PTPN1: variants seen among roughly 807,000 people sequenced by gnomAD.
PTPN1 encodes the protein tyrosine-protein phosphatase non-receptor type 1.
Under a neutral mutation model 59.9 loss-of-function variants are expected in PTPN1, and 12 were observed. The ratio of observed to expected loss-of-function variants is 0.20; its 90% CI spans 0.13 to 0.32. The LOEUF (loss-of-function observed/expected upper bound fraction) is 0.32. Among genes scored for constraint, PTPN1 ranks in the 10% least tolerant of loss-of-function variants. PTPN1 has a pLI of 1.00. For missense variants in PTPN1, 356 were observed against 549.2 expected (o/e 0.65, Z 3.52); for synonymous variants, 178 against 203.6 (o/e 0.87, Z 1.07).
intron 1 of PTPN1, among the ~76,000 whole-genome samples, chr20:50,539,823 G>T (rs2082641803): frequency 6.6e-6 from 1 of 151,216 alleles, no homozygotes; most frequent in Admixed American, 6.6e-5. Flanking sequence ...TCTTGGTGTT[G>T]GCTGTTTTGG....
At chr20:50,538,370 A>G (rs1290435644) in intron 1 of PTPN1, among the ~76,000 whole-genome samples, 1 of 152,222 alleles carries the variant, frequency 6.6e-6, no homozygotes, top group African/African-American at 2.4e-5. Flanking sequence ...CTGGAAAAAA[A>G]ATGTAGAAAC....
chr20:50,578,664 C>T lies in PTPN1; in HGVS notation c.702+35C>T, dbSNP rs780246512. 3.9e-6 allele frequency: 6 copies of T among 1,551,088 alleles called. No individual in the cohort carries two copies. In the South Asian group the frequency reaches 5.7e-5, roughly 15 times the overall value. On this transcript the variant is annotated intron_variant, in intron 6 of 9. Transcript: ENST00000371621. ...CCCTCGCGGGTGCCCTGGGGAGCTCCTCTACCTGCTCTGCTGTGATGTTTT... is the reference window on the plus strand; with the variant it reads ...CCCTCGCGGGTGCCCTGGGGAGCTCTTCTACCTGCTCTGCTGTGATGTTTT...
Position 50,582,741 on chromosome 20 carries a change from A to G in PTPN1, c.*26A>G. 1 of 1,613,052 alleles carries G rather than the reference A, an allele frequency of 6.2e-7. No individual in the cohort carries two copies. Reference sequence around the variant, plus strand: ...CCTGACCCTCCTCCACTCCACCTCCACCCACTGTCCGCCTCTGCCCGCAGA... The same window carrying G: ...CCTGACCCTCCTCCACTCCACCTCCGCCCACTGTCCGCCTCTGCCCGCAGA... On this transcript the variant is annotated 3_prime_UTR_variant, in exon 10 of 10. Transcript: ENST00000371621. The surrounding 1 kb of genome is among the most constrained non-coding windows in gnomAD (Gnocchi z 4.2).
chr20:50,537,769 T>C (rs1382773951), intron 1 of PTPN1, among the ~76,000 whole-genome samples: 1 of 152,192 alleles, frequency 6.6e-6, no homozygotes, highest in African/African-American at 2.4e-5. Context: ...TTAGCCAGTT[T>C]ATAGTTACCC....
intron 1 of PTPN1, among the ~76,000 whole-genome samples, chr20:50,560,613 C>CTT (rs762154823): frequency 7.2e-6 from 1 of 138,532 alleles, no homozygotes; most frequent in African/African-American, 2.7e-5. Context: ...ATGGGGCTGT[C>CTT]TTTTTTTTTT....
intron 5 of PTPN1, among the ~76,000 whole-genome samples, chr20:50,576,868 C>G (rs946819981): frequency 6.6e-6 from 1 of 152,176 alleles, no homozygotes; most frequent in Non-Finnish European, 1.5e-5. Flanking sequence ...GAGCAAGACT[C>G]TGTCTCAAAA....
At chr20:50,573,000 C>T (rs1171661049) in intron 4 of PTPN1, 1 of 152,224 alleles carries the variant, frequency 6.6e-6, no homozygotes, top group Non-Finnish European at 1.5e-5. Flanking sequence ...CTTGAGAAAG[C>T]TCTGTTGGCT....
intron 3 of PTPN1, among the ~76,000 whole-genome samples, chr20:50,566,124 A>G (rs185175369): frequency 5.1e-4 from 77 of 152,278 alleles, no homozygotes; most frequent in African/African-American, 1.8e-3. Context: ...GGCCTTTACC[A>G]GGCCCTGAGC....
intron 1 of PTPN1, among the ~76,000 whole-genome samples, chr20:50,549,312 C>A (rs2082691091): frequency 6.6e-6 from 1 of 152,198 alleles, no homozygotes; most frequent in African/African-American, 2.4e-5. Context: ...CCACCCTCTC[C>A]ACCAGAAGGT....
intron 1 of PTPN1, among the ~76,000 whole-genome samples, chr20:50,546,651 G>C (rs2082677301): frequency 2.0e-5 from 3 of 152,162 alleles, no homozygotes; most frequent in Admixed American, 6.5e-5. Context: ...GTTTCATTTT[G>C]ATGTTCTATT....
intron 1 of PTPN1, among the ~76,000 whole-genome samples, chr20:50,538,124 T>C (rs1218527056): frequency 6.6e-6 from 1 of 152,130 alleles, no homozygotes; most frequent in Non-Finnish European, 1.5e-5. Context: ...GATTTATACT[T>C]CCTGGTTTTC....
intron 5 of PTPN1, 82 bp downstream of exon 5, chr20:50,574,736 A>G (rs923223369): frequency 2.0e-6 from 3 of 1,484,136 alleles, no homozygotes; most frequent in Non-Finnish European, 9.1e-7. Flanking sequence ...GATATTACCT[A>G]ATGTCAGTGT....
In PTPN1 at chr20:50,526,175, A is replaced by G. The variant is rs532118177; in HGVS notation, c.63+15585A>G. ...ATCTTAGGACTTAAGCTTTCTAGTC[A>G]ATAAATTGCCATAGTGGGGAATTGC... On this transcript the variant is annotated intron_variant, in intron 1 of 9. Coordinates refer to ENST00000371621, the MANE Select transcript of PTPN1 (RefSeq NM_002827.4). Among the ~76,000 whole-genome samples the G allele has an allele frequency of 3.3e-5, 5 of 152,280 alleles. No individual in the cohort carries two copies. In the East Asian group the frequency reaches 9.6e-4, roughly 29 times the overall value.
chr20:50,537,160 T>G (rs2082627429), intron 1 of PTPN1, among the ~76,000 whole-genome samples: 1 of 152,036 alleles, frequency 6.6e-6, no homozygotes, highest in African/African-American at 2.4e-5. Context: ...CTGTCTCTAC[T>G]AAAAATACAA....
chr20:50,538,235 A>C (rs1176458130), intron 1 of PTPN1, among the ~76,000 whole-genome samples: 3 of 152,106 alleles, frequency 2.0e-5, no homozygotes, highest in Middle Eastern at 3.4e-3. Flanking sequence ...AAAAAAAAAA[A>C]AACAGAAATG....
intron 8 of PTPN1, among the ~76,000 whole-genome samples, chr20:50,580,223 CT>C (rs772793157): frequency 1.4e-4 from 22 of 152,182 alleles, no homozygotes; most frequent in Non-Finnish European, 1.2e-4. Context: ...TCTGCCCCCC[CT>C]GACGACAGCG....
At chr20:50,515,743 C>CT (rs1177582027) in intron 1 of PTPN1, among the ~76,000 whole-genome samples, 1 of 152,222 alleles carries the variant, frequency 6.6e-6, no homozygotes, top group Non-Finnish European at 1.5e-5. Flanking sequence ...ATGGTCAGTA[C>CT]TTTGCTAGCC....
At chr20:50,534,809 T>C (rs536299821) in intron 1 of PTPN1, among the ~76,000 whole-genome samples, 38 of 152,266 alleles carry the variant, frequency 2.5e-4, no homozygotes, top group African/African-American at 8.4e-4. Flanking sequence ...TACTGTAACC[T>C]CAAATTCCTG....
chr20:50,532,565 A>G (rs1290599007), intron 1 of PTPN1, among the ~76,000 whole-genome samples: 1 of 152,166 alleles, frequency 6.6e-6, no homozygotes, highest in Non-Finnish European at 1.5e-5. Flanking sequence ...AGTCCGTAGA[A>G]CCTATATAAT....
Sources: gnomAD v4.1 joint callset for allele counts (sites outside exome capture counted in the v4.1 genomes callset) on GRCh38, gnomAD v4.1.1 for gene constraint, Gnocchi (gnomAD v3.1) non-coding constraint, MANE v1.5 for transcripts, NCBI Gene and HGNC (gene_info 2026-07-23, HGNC 2026-07-21) for gene names.